The following PPFIBP2 variants were observed in gnomAD, a reference collection of about 807,000 sequenced individuals.
PPFIBP2 encodes the protein liprin-beta-2.
Under a neutral mutation model 118.3 loss-of-function variants are expected in PPFIBP2, and 118 were observed. The ratio of observed to expected loss-of-function variants is 1.00; its 90% CI spans 0.86 to 1.16. The LOEUF is 1.16. Among genes scored for constraint, PPFIBP2 ranks in the 50% most tolerant of loss-of-function variants. The probability of loss-of-function intolerance (pLI) is 0.00; values close to 1 mark genes in which losing one functional copy is unlikely to be tolerated. For synonymous variants in PPFIBP2, 414 were observed against 397.4 expected, an observed-to-expected ratio of 1.04 and a Z score of -0.50; for missense variants, 1,195 against 1,073.1, an observed-to-expected ratio of 1.11 and a Z score of -1.59.
intron 5 of PPFIBP2, chr11:7,598,594 T>A (rs746458320): frequency 2.6e-5 from 4 of 154,732 alleles, no homozygotes; most frequent in Non-Finnish European, 4.3e-5. Flanking sequence ...GACTGAAGTT[T>A]ATGTGTGTAT....
At chr11:7,577,116 C>G (rs1460759027) in intron 3 of PPFIBP2, 1 of 157,512 alleles carries the variant, frequency 6.3e-6, no homozygotes, top group East Asian at 1.9e-4. Context: ...AGGGGGAAGC[C>G]AGACAAGGAA....
At chr11:7,620,848 C>T in intron 6 of PPFIBP2, 87 bp from the exon 7 acceptor site, 5 of 892,790 alleles carry the variant, frequency 5.6e-6, no homozygotes, top group East Asian at 2.4e-5. Flanking sequence ...GGTTGCTGCA[C>T]CCCATATGCA....
At chr11:7,562,037 G>T (rs12420515) in intron 2 of PPFIBP2, among the ~76,000 whole-genome samples, 1 of 152,110 alleles carries the variant, frequency 6.6e-6, no homozygotes, top group Non-Finnish European at 1.5e-5. Flanking sequence ...GTTAGATTCT[G>T]ATAAGGAGTG....
At chr11:7,593,463 C>A (rs1458750322) in intron 4 of PPFIBP2, among the ~76,000 whole-genome samples, 1 of 152,204 alleles carries the variant, frequency 6.6e-6, no homozygotes, top group East Asian at 1.9e-4. Context: ...CACTCCCAAG[C>A]ACCCGCTTCT....
Position 7,653,078 on chromosome 11 carries a change from G to C in PPFIBP2, c.2491G>C (p.Glu831Gln). 1.2e-6 allele frequency: 2 copies of C among 1,613,538 alleles called. No homozygotes were observed. The highest frequency in any genetic ancestry group is 2.7e-5 in the African/African-American group (2 of 75,058). ...FGNIRKKKFDESTDYICPMEP... is the reference protein window; with the variant it reads ...FGNIRKKKFDQSTDYICPMEP... ...AAACATAAGAAAAAAGAAGTTCGATGAATCGACGGACTACATTTGCCCAAT... is the reference window on the plus strand; with the variant it reads ...AAACATAAGAAAAAAGAAGTTCGATCAATCGACGGACTACATTTGCCCAAT... The change falls in exon 24 of 24, where the codon GAA (glutamate) becomes CAA (glutamine). Residue 831 changes from glutamate to glutamine, a missense_variant. Transcript: ENST00000299492.
chr11:7,526,641 G>A (rs1425615346), intron 1 of PPFIBP2, among the ~76,000 whole-genome samples: 6 of 152,078 alleles, frequency 3.9e-5, no homozygotes, highest in Admixed American at 3.9e-4. Context: ...GGAGGCCGAG[G>A]GTGGGCAGAT....
chr11:7,577,336 T>TGCGTGC, intron 3 of PPFIBP2: 3 of 311,812 alleles, frequency 9.6e-6, no homozygotes, highest in South Asian at 8.0e-5. Flanking sequence ...TGTGTGTGTG[T>TGCGTGC]GTGTGTGTGT....
rs757985001 is a variant in PPFIBP2 at position 7,565,606 on chromosome 11, TC to T, written c.122del (p.Pro41ArgfsTer5). The T allele has an allele frequency of 4.6e-5, 74 of 1,614,102 alleles. No homozygotes were observed. Among genetic ancestry groups the T allele is most frequent in the Non-Finnish European group, 6.1e-5 (72 of 1,180,046 alleles). ...SDGTCEPGLASPASYMNPFPV... is the reference protein window; with the variant it reads ...SDGTCEPGLAXPASYMNPFPV... ...TGGTACTTGTGAGCCTGGACTGGCT[TC>T]CCCGGCCTCCTACATGAACCCCTTC... On this transcript the variant is annotated frameshift_variant, in exon 3 of 24. Transcript: ENST00000299492. LOFTEE classifies it high-confidence loss of function.
At chr11:7,541,428 G>A (rs1363506538) in intron 1 of PPFIBP2, among the ~76,000 whole-genome samples, 1 of 152,192 alleles carries the variant, frequency 6.6e-6, no homozygotes, top group East Asian at 1.9e-4. Context: ...TTGGAGAGAA[G>A]TGCTCTGGTC....
chr11:7,638,832 T>C (rs1851763995), intron 14 of PPFIBP2, among the ~76,000 whole-genome samples: 1 of 152,258 alleles, frequency 6.6e-6, no homozygotes, highest in South Asian at 2.1e-4. Flanking sequence ...CTTCCTCATT[T>C]AATCAACTTG....
intron 2 of PPFIBP2, among the ~76,000 whole-genome samples, chr11:7,558,123 A>G (rs1853853466): frequency 6.6e-6 from 1 of 152,244 alleles, no homozygotes; most frequent in Non-Finnish European, 1.5e-5. Flanking sequence ...AGTTTGAAAC[A>G]CAAAGGTTTA....
intron 2 of PPFIBP2, among the ~76,000 whole-genome samples, chr11:7,562,976 T>TATATATATACAC (rs1554953438): frequency 3.0e-5 from 3 of 100,468 alleles, no homozygotes; most frequent in African/African-American, 9.9e-5. Context: ...TATATATATA[T>TATATATATACAC]ACACGCACAC....
chr11:7,651,159 C>A (rs1379164900), intron 22 of PPFIBP2, 194 bp downstream of exon 22: 2 of 531,458 alleles, frequency 3.8e-6, no homozygotes, highest in Non-Finnish European at 6.3e-6. Flanking sequence ...AAGCAAGATG[C>A]CTTCTGGCAG....
chr11:7,604,068 C>T (rs1022987714), intron 5 of PPFIBP2, among the ~76,000 whole-genome samples: 10 of 152,134 alleles, frequency 6.6e-5, no homozygotes, highest in East Asian at 1.9e-4. Flanking sequence ...CATTGCCTGG[C>T]GAGGATGTGG....
intron 2 of PPFIBP2, among the ~76,000 whole-genome samples, chr11:7,562,196 A>C (rs1479331727): frequency 6.6e-6 from 1 of 152,190 alleles, no homozygotes; most frequent in East Asian, 1.9e-4. Flanking sequence ...CCCAGTTCCT[A>C]ACAGGCCATG....
At chr11:7,517,864 C>T (rs1406855725) in intron 1 of PPFIBP2, among the ~76,000 whole-genome samples, 1 of 152,198 alleles carries the variant, frequency 6.6e-6, no homozygotes, top group African/African-American at 2.4e-5. Context: ...AGGTTTTGGC[C>T]TGCTCAGGAA....
intron 2 of PPFIBP2, among the ~76,000 whole-genome samples, chr11:7,554,402 C>T (rs1315785569): frequency 1.3e-5 from 2 of 152,150 alleles, no homozygotes; most frequent in African/African-American, 4.8e-5. Context: ...GGCTGGGTTA[C>T]TGTTTACTTT....
intron 1 of PPFIBP2, among the ~76,000 whole-genome samples, chr11:7,531,337 C>T (rs1850661122): frequency 6.6e-6 from 1 of 152,178 alleles, no homozygotes; most frequent in Admixed American, 6.5e-5. Flanking sequence ...ATAGCTGGGC[C>T]CAGGGCTCTT....
chr11:7,563,197 A>G (rs1194936077), intron 2 of PPFIBP2, among the ~76,000 whole-genome samples: 1 of 152,056 alleles, frequency 6.6e-6, no homozygotes, highest in African/African-American at 2.4e-5. Flanking sequence ...CTCTTCCCAC[A>G]TTTATGAAAT....
Sources: allele counts gnomAD v4.1 joint callset (sites outside exome capture counted in the v4.1 genomes callset), GRCh38; gene constraint gnomAD v4.1.1; transcripts MANE v1.5; gene names NCBI Gene and HGNC (gene_info 2026-07-23, HGNC 2026-07-21).